SGCZ: variants seen among roughly 807,000 people sequenced by gnomAD.
The protein encoded by SGCZ is zeta-sarcoglycan.
In SGCZ, 40 loss-of-function variants were observed where a neutral mutation model predicts 41.3. The observed-to-expected ratio is 0.97, with a 90% CI of 0.75 to 1.26. SGCZ has a LOEUF of 1.26. SGCZ is among the 50% of genes most tolerant of loss of function. SGCZ has a pLI of 0.00. For missense variants in SGCZ, 552 were observed against 369.8 expected, an observed-to-expected ratio of 1.49 and a Z score of -4.04; for synonymous variants, 206 against 137.5, an observed-to-expected ratio of 1.50 and a Z score of -3.49.
chr8:14,283,302 C>A (rs1800513830), intron 3 of SGCZ, among the ~76,000 whole-genome samples: 1 of 152,132 alleles, frequency 6.6e-6, no homozygotes, highest in Non-Finnish European at 1.5e-5. Flanking sequence ...TAATTCTGAG[C>A]CCTTTTCACT....
At chr8:15,126,039 G>C (rs550236921) in intron 1 of SGCZ, among the ~76,000 whole-genome samples, 1 of 152,214 alleles carries the variant, frequency 6.6e-6, no homozygotes, top group African/African-American at 2.4e-5. Flanking sequence ...CCAGCTACTC[G>C]GGAGGCCAAG....
At chr8:14,538,511 T>C (rs1803363195) in intron 2 of SGCZ, among the ~76,000 whole-genome samples, 2 of 151,994 alleles carry the variant, frequency 1.3e-5, no homozygotes, top group South Asian at 2.1e-4. Context: ...CTAGGGTTTC[T>C]GTGGTGAAAT....
chr8:14,938,006 T>C (rs189031844), intron 1 of SGCZ, among the ~76,000 whole-genome samples: 202 of 152,288 alleles, frequency 1.3e-3, no homozygotes, highest in African/African-American at 4.6e-3. Context: ...TGATTGGAAA[T>C]AACTTTATGA....
intron 4 of SGCZ, among the ~76,000 whole-genome samples, chr8:14,223,305 A>G (rs535217443): frequency 6.6e-6 from 1 of 152,250 alleles, no homozygotes; most frequent in South Asian, 2.1e-4. Context: ...ATTTAATGAG[A>G]ATACTTTGGA....
intron 2 of SGCZ, among the ~76,000 whole-genome samples, chr8:14,382,713 T>C (rs1804414333): frequency 1.3e-5 from 2 of 152,172 alleles, no homozygotes; most frequent in African/African-American, 4.8e-5. Context: ...CACACTAGTG[T>C]GAATGGGCAA....
chr8:14,701,441 A>C (rs115072051), intron 1 of SGCZ, among the ~76,000 whole-genome samples: 1,750 of 152,014 alleles, frequency 0.012, 24 homozygotes, highest in African/African-American at 0.035. Flanking sequence ...TCCACAATAA[A>C]GCCTCAGCCC....
intron 1 of SGCZ, among the ~76,000 whole-genome samples, chr8:15,002,880 C>T (rs936878293): frequency 6.6e-6 from 1 of 152,006 alleles, no homozygotes; most frequent in Admixed American, 6.6e-5. Flanking sequence ...TAGGAGGGAC[C>T]CTGGGGGAGG....
At chr8:14,520,099 G>T (rs1802745259) in intron 2 of SGCZ, among the ~76,000 whole-genome samples, 1 of 151,938 alleles carries the variant, frequency 6.6e-6, no homozygotes, top group Admixed American at 6.6e-5. Flanking sequence ...ACAAGCTATA[G>T]TCAGCTTGAT....
chr8:14,328,510 C>T (rs548965347), intron 2 of SGCZ, among the ~76,000 whole-genome samples: 1 of 152,128 alleles, frequency 6.6e-6, no homozygotes, highest in African/African-American at 2.4e-5. Flanking sequence ...ATAAAGATTA[C>T]ATGAGGATGT....
chr8:14,364,988 T>G (rs1585410112), intron 2 of SGCZ, among the ~76,000 whole-genome samples: 1 of 152,114 alleles, frequency 6.6e-6, no homozygotes, highest in African/African-American at 2.4e-5. Flanking sequence ...CTATCAGATT[T>G]GTTTTTATAT....
intron 1 of SGCZ, among the ~76,000 whole-genome samples, chr8:14,949,388 T>C (rs1800557246): frequency 6.6e-6 from 1 of 152,136 alleles, no homozygotes. Flanking sequence ...CTGAAATATG[T>C]ACCTATTCCT....
At chr8:14,595,235 A>G (rs1209449886) in intron 1 of SGCZ, among the ~76,000 whole-genome samples, 1 of 152,218 alleles carries the variant, frequency 6.6e-6, no homozygotes, top group East Asian at 1.9e-4. Flanking sequence ...TTCAGGCAAG[A>G]TTAAATACAA....
At chr8:14,092,889 A>G (rs764569757) in intron 7 of SGCZ, among the ~76,000 whole-genome samples, 7 of 149,834 alleles carry the variant, frequency 4.7e-5, no homozygotes, top group Non-Finnish European at 1.0e-4. Flanking sequence ...ATTATTGTCT[A>G]TAATTAGATT....
chr8:14,892,781 G>A (rs1490394493), intron 1 of SGCZ, among the ~76,000 whole-genome samples: 4 of 152,088 alleles, frequency 2.6e-5, no homozygotes, highest in African/African-American at 9.7e-5. Flanking sequence ...TGTATCACTT[G>A]CTTTTGCTGG....
intron 1 of SGCZ, among the ~76,000 whole-genome samples, chr8:14,557,132 G>A (rs1237564062): frequency 6.6e-6 from 1 of 151,916 alleles, no homozygotes; most frequent in East Asian, 1.9e-4. Flanking sequence ...CATTTTTGAG[G>A]TAGTAAGGTG....
chr8:15,032,160 G>A (rs911300304), intron 1 of SGCZ, among the ~76,000 whole-genome samples: 2 of 151,986 alleles, frequency 1.3e-5, no homozygotes, highest in Non-Finnish European at 2.9e-5. Flanking sequence ...TGAGATGGTG[G>A]ACTAGGACAT....
intron 1 of SGCZ, among the ~76,000 whole-genome samples, chr8:14,577,404 T>C (rs1296208515): frequency 6.7e-6 from 1 of 150,074 alleles, no homozygotes; most frequent in Non-Finnish European, 1.5e-5. Flanking sequence ...TTTTTTTTTT[T>C]TTGAGACAGA....
At chr8:14,310,144 G>T (rs1257515298) in intron 3 of SGCZ, among the ~76,000 whole-genome samples, 1 of 152,004 alleles carries the variant, frequency 6.6e-6, no homozygotes, top group East Asian at 1.9e-4. Flanking sequence ...TCTTTTTACA[G>T]CATTGTCTTT....
chr8:15,191,477 T>C (rs891278577), intron 1 of SGCZ, among the ~76,000 whole-genome samples: 1 of 152,024 alleles, frequency 6.6e-6, no homozygotes, highest in African/African-American at 2.4e-5. Context: ...GAAAACAATT[T>C]AAGATTTTAA....
Sources: allele counts gnomAD v4.1 joint callset (sites outside exome capture counted in the v4.1 genomes callset), GRCh38; gene constraint gnomAD v4.1.1; transcripts MANE v1.5; gene names NCBI Gene and HGNC (gene_info 2026-07-23, HGNC 2026-07-21).